KIF26B: variants seen among roughly 807,000 people sequenced by gnomAD.
The protein encoded by KIF26B is kinesin-like protein KIF26B.
A neutral mutation model predicts 151.2 loss-of-function variants in KIF26B; 63 were observed. That is an observed-to-expected ratio of 0.42 (90% CI 0.34 to 0.51). The LOEUF (loss-of-function observed/expected upper bound fraction) is 0.51. Among genes scored for constraint, KIF26B ranks in the 20% least tolerant of loss-of-function variants. The probability of loss-of-function intolerance (pLI) is 0.07; values close to 1 mark genes in which losing one functional copy is unlikely to be tolerated. For synonymous variants in KIF26B, 1,357 were observed against 1,262.1 expected, an observed-to-expected ratio of 1.08 and a Z score of -1.59; for missense variants, 2,813 against 2,913.6, an observed-to-expected ratio of 0.97 and a Z score of 0.79.
intron 2 of KIF26B, among the ~76,000 whole-genome samples, chr1:245,253,902 C>T (rs1165632316): frequency 2.1e-4 from 31 of 150,152 alleles, no homozygotes; most frequent in Admixed American, 4.7e-4. Context: ...CTCCACCTCC[C>T]GGGTTCACGC....
intron 10 of KIF26B, among the ~76,000 whole-genome samples, chr1:245,675,173 C>G (rs1263323285): frequency 6.6e-6 from 1 of 152,192 alleles, no homozygotes; most frequent in Non-Finnish European, 1.5e-5. Flanking sequence ...ATTACATTAC[C>G]TTCCCGGCAT....
At chr1:245,305,978 T>G (rs1307933489) in intron 2 of KIF26B, among the ~76,000 whole-genome samples, 1 of 145,812 alleles carries the variant, frequency 6.9e-6, no homozygotes, top group Non-Finnish European at 1.5e-5. Context: ...TGTGAAACGA[T>G]ATAGCCCCTG....
intron 5 of KIF26B, among the ~76,000 whole-genome samples, chr1:245,542,117 C>G (rs1306223738): frequency 1.3e-5 from 2 of 152,198 alleles, no homozygotes; most frequent in Non-Finnish European, 2.9e-5. Context: ...CTTTGGGAGG[C>G]CACAGCAAGA....
rs763600279 is a variant in KIF26B, at chr1:245,688,045, C to T, written c.5062C>T (p.Leu1688=). Residue 1688 remains leucine (L), a synonymous_variant, in exon 12 of 15, where the codon CTG becomes TTG. Coordinates refer to ENST00000407071, the MANE Select transcript of KIF26B (RefSeq NM_018012.4). ...CCTCTCCCTGGAGCGGGCCGAGAGC[C>T]TGTCCTCCGTGAGCTCCCGGCTGCA... is the stretch of plus-strand genomic sequence containing the variant. ...ECLSLERAES[L]SSVSSRLHAG... 1.3e-5 allele frequency: 20 copies of T among 1,555,186 alleles called. No individual in the cohort carries two copies. The highest frequency in any genetic ancestry group is 1.5e-5 in the Non-Finnish European group (17 of 1,150,100).
intron 2 of KIF26B, among the ~76,000 whole-genome samples, chr1:245,255,487 C>G (rs1034520447): frequency 1.3e-5 from 2 of 152,162 alleles, no homozygotes; most frequent in Non-Finnish European, 2.9e-5. Context: ...TTTTGGAGAG[C>G]CCTCCCTTAT....
intron 2 of KIF26B, among the ~76,000 whole-genome samples, chr1:245,189,733 A>G (rs1400488566): frequency 6.6e-6 from 1 of 152,252 alleles, no homozygotes; most frequent in Non-Finnish European, 1.5e-5. Flanking sequence ...GTGTGTTAAC[A>G]AAGTTGAAGG....
intron 2 of KIF26B, among the ~76,000 whole-genome samples, chr1:245,186,210 C>G (rs567449514): frequency 6.6e-6 from 1 of 151,902 alleles, no homozygotes; most frequent in Non-Finnish European, 1.5e-5. Context: ...CCCACGTGCG[C>G]TAATTTTCCA....
At chr1:245,662,965 CT>C (rs58163033) in intron 10 of KIF26B, among the ~76,000 whole-genome samples, 98,443 of 146,380 alleles carry the variant, frequency 0.67, 33,027 homozygotes, top group East Asian at 0.82. Context: ...TCACCTCTGT[CT>C]TTTTTTTTTT....
chr1:245,159,607 T>A (rs905598370), intron 2 of KIF26B, among the ~76,000 whole-genome samples: 7 of 152,248 alleles, frequency 4.6e-5, no homozygotes, highest in African/African-American at 1.7e-4. Context: ...AGGTTTTTCT[T>A]ATAAGATATT....
intron 2 of KIF26B, among the ~76,000 whole-genome samples, chr1:245,210,829 T>G (rs547561233): frequency 5.9e-5 from 9 of 152,220 alleles, no homozygotes; most frequent in African/African-American, 2.2e-4. Flanking sequence ...GTTCGGAGCA[T>G]CCAGGTCTTC....
chr1:245,500,631 C>T (rs1660601829), intron 4 of KIF26B, among the ~76,000 whole-genome samples: 1 of 152,214 alleles, frequency 6.6e-6, no homozygotes, highest in Non-Finnish European at 1.5e-5. Context: ...GGGTTCCTTC[C>T]AAACTCTCAG....
chr1:245,669,339 C>T (rs1265047765), intron 10 of KIF26B, among the ~76,000 whole-genome samples: 1 of 152,098 alleles, frequency 6.6e-6, no homozygotes, highest in African/African-American at 2.4e-5. Flanking sequence ...ATGAAGTATT[C>T]CCTACAAATG....
At chr1:245,554,833 T>C (rs1661981703) in intron 5 of KIF26B, among the ~76,000 whole-genome samples, 1 of 152,232 alleles carries the variant, frequency 6.6e-6, no homozygotes, top group Non-Finnish European at 1.5e-5. Flanking sequence ...TTCATATGCG[T>C]GAATCACAAT....
intron 2 of KIF26B, among the ~76,000 whole-genome samples, chr1:245,347,294 C>T (rs764660736): frequency 4.0e-5 from 6 of 151,780 alleles, no homozygotes; most frequent in Non-Finnish European, 5.9e-5. Context: ...AACTACTGTC[C>T]CCTTTCTTTT....
chr1:245,663,726 C>T (rs546800233), intron 10 of KIF26B, among the ~76,000 whole-genome samples: 53 of 152,284 alleles, frequency 3.5e-4, no homozygotes, highest in Non-Finnish European at 5.9e-4. Flanking sequence ...GAGAACTAAG[C>T]GTGCAAACCT....
rs145367941 is a variant in KIF26B, at chr1:245,268,326, G to T, written c.466-98508G>T. 4.8e-3 allele frequency among the ~76,000 whole-genome samples: 725 copies of T among 151,750 alleles called. 3 individuals are homozygous for T. The highest frequency in any genetic ancestry group is 0.017 in the African/African-American group (695 of 41,364). On this transcript the variant is annotated intron_variant, in intron 2 of 14. Transcript: ENST00000407071. ...CTACTAAAAAATACAAAAAAAATTA[G>T]CCAGGCATGGTGGCACACGCCTGTA...
intron 4 of KIF26B, among the ~76,000 whole-genome samples, chr1:245,487,138 T>A (rs1365611134): frequency 6.6e-6 from 1 of 152,144 alleles, no homozygotes; most frequent in Non-Finnish European, 1.5e-5. Context: ...GTTTTGCCAG[T>A]GTAGCTTGTG....
At chr1:245,493,138 A>G (rs1461729347) in intron 4 of KIF26B, among the ~76,000 whole-genome samples, 1 of 152,212 alleles carries the variant, frequency 6.6e-6, no homozygotes, top group Non-Finnish European at 1.5e-5. Context: ...AGCTGACAGG[A>G]AAAGTCCTAC....
intron 3 of KIF26B, among the ~76,000 whole-genome samples, chr1:245,412,163 G>A (rs1245588445): frequency 6.6e-6 from 1 of 152,200 alleles, no homozygotes; most frequent in East Asian, 1.9e-4. Context: ...ATTGTGAGTT[G>A]ATTTGTGCTA....
Sources: allele counts gnomAD v4.1 joint callset (sites outside exome capture counted in the v4.1 genomes callset), GRCh38; gene constraint gnomAD v4.1.1; transcripts MANE v1.5; gene names NCBI Gene and HGNC (gene_info 2026-07-23, HGNC 2026-07-21).